The following NCAM1 variants were observed in gnomAD, a reference collection of about 807,000 sequenced individuals.
The protein encoded by NCAM1 is antigen recognized by monoclonal antibody 5.1H11.
NCAM1 carries 14 observed loss-of-function variants against 109.8 expected under a neutral mutation model. That is an observed-to-expected ratio of 0.13 (90% CI 0.08 to 0.20). The LOEUF (loss-of-function observed/expected upper bound fraction) is 0.20. Among genes scored for constraint, NCAM1 ranks in the 10% least tolerant of loss-of-function variants. The probability of loss-of-function intolerance (pLI) is 1.00; values close to 1 mark genes in which losing one functional copy is unlikely to be tolerated. For missense variants in NCAM1, 774 were observed against 1,109.9 expected (o/e 0.70, Z 4.30); for synonymous variants, 418 against 442.9 (o/e 0.94, Z 0.70).
chr11:113,131,879 T>C (rs1392794748), intron 1 of NCAM1, among the ~76,000 whole-genome samples: 3 of 152,170 alleles, frequency 2.0e-5, no homozygotes, highest in Non-Finnish European at 2.9e-5. Context: ...GGAAATGAAG[T>C]CTAGCTGTAT....
rs571248209 is a variant in NCAM1, at chr11:113,114,059, G to T, written c.53-88320G>T. ...TGTTTCCCTTTTTAGGCTTAAGTTT[G>T]CCTGGAGAGGAAAGTGGAGACCTTG... is the stretch of plus-strand genomic sequence containing the variant. On this transcript the variant is annotated intron_variant, in intron 1 of 19. Coordinates refer to ENST00000316851, the MANE Select transcript of NCAM1 (RefSeq NM_181351.5). Among the ~76,000 whole-genome samples, 6 of 152,324 alleles carry T rather than the reference G, an allele frequency of 3.9e-5. No homozygotes were observed. In the East Asian group the frequency reaches 1.2e-3, roughly 29 times the overall value.
intron 9 of NCAM1, chr11:113,231,097 G>T: frequency 3.3e-6 from 4 of 1,194,946 alleles, no homozygotes; most frequent in Non-Finnish European, 4.7e-6. Context: ...TTTTACATGT[G>T]ATTATTTCAC....
chr11:113,110,550 C>T (rs899570301), intron 1 of NCAM1, among the ~76,000 whole-genome samples: 1 of 152,032 alleles, frequency 6.6e-6, no homozygotes, highest in South Asian at 2.1e-4. Flanking sequence ...TAGACAAATA[C>T]AAATGTATAT....
intron 1 of NCAM1, among the ~76,000 whole-genome samples, chr11:113,098,600 A>G (rs1345296986): frequency 6.6e-6 from 1 of 152,196 alleles, no homozygotes; most frequent in Non-Finnish European, 1.5e-5. Flanking sequence ...ACAGGATATT[A>G]GGACAGGGAA....
chr11:113,227,331 G>A (rs1944881243), intron 9 of NCAM1, among the ~76,000 whole-genome samples: 1 of 152,112 alleles, frequency 6.6e-6, no homozygotes, highest in Non-Finnish European at 1.5e-5. Flanking sequence ...AGAAAATCTA[G>A]AAGAAATGGA....
intron 1 of NCAM1, among the ~76,000 whole-genome samples, chr11:113,132,603 C>CGT (rs1941434494): frequency 5.5e-5 from 6 of 108,664 alleles, no homozygotes; most frequent in African/African-American, 2.5e-4. Flanking sequence ...TATTAGGAAG[C>CGT]ATGTGTGTGT....
In NCAM1 at chr11:113,277,154, C is replaced by T. The variant is rs1946412960; in HGVS notation, c.*1767C>T. The T allele has an allele frequency of 2.5e-6, 1 of 395,586 alleles. No individual in the cohort carries two copies. Among genetic ancestry groups the T allele is most frequent in the African/African-American group, 2.1e-5 (1 of 48,544 alleles). The allele number at this position is 395,586 out of a possible 1,614,324, so 24.5% of individuals were successfully genotyped here. A position where few individuals can be genotyped will look rare whatever the true frequency, so the allele number is the denominator to read the frequency against. The stretch of plus-strand genomic sequence containing the variant: ...AACAGAAATCAGTACTCCGCATGCG[C>T]TCCTCTCCTAAGGTACAAAGCAGCA... On this transcript the variant is annotated 3_prime_UTR_variant, in exon 20 of 20. Coordinates refer to ENST00000316851, the MANE Select transcript of NCAM1 (RefSeq NM_181351.5).
intron 17 of NCAM1, among the ~76,000 whole-genome samples, chr11:113,260,992 A>T (rs565797225): frequency 2.5e-4 from 38 of 152,222 alleles, no homozygotes; most frequent in South Asian, 1.7e-3. Context: ...GGGATCCAAG[A>T]CCTAACCTTG....
At chr11:113,215,792 T>A (rs1178999958) in intron 8 of NCAM1, among the ~76,000 whole-genome samples, 1 of 152,256 alleles carries the variant, frequency 6.6e-6, no homozygotes, top group African/African-American at 2.4e-5. Context: ...TGGTGTTTAC[T>A]TGGATACTTT....
chr11:113,202,236 C>T, intron 1 of NCAM1, 143 bp from the exon 2 acceptor site: 1 of 832,982 alleles, frequency 1.2e-6, no homozygotes, highest in Non-Finnish European at 1.8e-6. Context: ...CCTCCCTTCA[C>T]TCTTTCTTAA....
intron 1 of NCAM1, among the ~76,000 whole-genome samples, chr11:113,182,847 G>A (rs1943375736): frequency 6.6e-6 from 1 of 152,222 alleles, no homozygotes; most frequent in African/African-American, 2.4e-5. Context: ...GCTTTGCCCA[G>A]GTGGCTTGGG....
At chr11:113,074,084 C>G (rs982942837) in intron 1 of NCAM1, among the ~76,000 whole-genome samples, 2 of 152,128 alleles carry the variant, frequency 1.3e-5, no homozygotes, top group African/African-American at 4.8e-5. Context: ...AGGGGAGCAC[C>G]TTGAAAATAA....
chr11:113,149,618 A>G (rs1382184083), intron 1 of NCAM1, among the ~76,000 whole-genome samples: 1 of 152,236 alleles, frequency 6.6e-6, no homozygotes, highest in Non-Finnish European at 1.5e-5. Context: ...GTCTCTAAAT[A>G]AAACTGTTTT....
At chr11:112,997,530 T>G (rs1951627460) in intron 1 of NCAM1, among the ~76,000 whole-genome samples, 1 of 152,176 alleles carries the variant, frequency 6.6e-6, no homozygotes, top group Non-Finnish European at 1.5e-5. Context: ...AAGATCCAAA[T>G]GATAGGGTCA....
intron 1 of NCAM1, among the ~76,000 whole-genome samples, chr11:113,128,588 C>A (rs946091702): frequency 1.3e-5 from 2 of 152,198 alleles, no homozygotes; most frequent in African/African-American, 2.4e-5. Flanking sequence ...CCCACAGCAG[C>A]GTCCTTTCCC....
chr11:113,154,962 C>A (rs80254943), intron 1 of NCAM1, among the ~76,000 whole-genome samples: 11,854 of 152,148 alleles, frequency 0.078, 575 homozygotes, highest in Non-Finnish European at 0.1. Flanking sequence ...CCCTCAGAAC[C>A]TTTGGGGTTG....
chr11:113,154,822 A>T (rs1316404511), intron 1 of NCAM1, among the ~76,000 whole-genome samples: 1 of 152,212 alleles, frequency 6.6e-6, no homozygotes, highest in African/African-American at 2.4e-5. Context: ...AAGGAATGAC[A>T]CAAAGAAGAA....
chr11:113,168,519 T>C (rs1942884577), intron 1 of NCAM1, among the ~76,000 whole-genome samples: 3 of 152,210 alleles, frequency 2.0e-5, no homozygotes, highest in African/African-American at 4.8e-5. Context: ...TCCTCCCAGA[T>C]TGGTTTACAC....
rs958368794 is a variant in NCAM1, at chr11:113,199,834, A to T, written c.53-2545A>T. On this transcript the variant is annotated intron_variant, in intron 1 of 19. Transcript: ENST00000316851. ...TAAAGTAAAAGAAACACCCTTAAAA[A>T]AAAAAAAAAAAAAAACTTCTGTGAT... Among the ~76,000 whole-genome samples the T allele has an allele frequency of 2.1e-3, 318 of 150,562 alleles. 4 individuals are homozygous for T. Among genetic ancestry groups the T allele is most frequent in the African/African-American group, 7.6e-3 (310 of 40,648 alleles).
Sources: allele counts gnomAD v4.1 joint callset (sites outside exome capture counted in the v4.1 genomes callset), GRCh38; gene constraint gnomAD v4.1.1; transcripts MANE v1.5; gene names NCBI Gene and HGNC (gene_info 2026-07-23, HGNC 2026-07-21).